The following NCKAP1L variants were observed in gnomAD, a reference collection of about 807,000 sequenced individuals.
The protein encoded by NCKAP1L is NCK associated protein 1 like.
A neutral mutation model predicts 139.2 loss-of-function variants in NCKAP1L; 53 were observed. The observed-to-expected ratio is 0.38, with a 90% CI of 0.31 to 0.48. The LOEUF (loss-of-function observed/expected upper bound fraction) is 0.48, where lower values mean the gene tolerates loss of function less well. Among genes scored for constraint, NCKAP1L ranks in the 20% least tolerant of loss-of-function variants. The pLI is 0.98. For missense variants in NCKAP1L, 1,151 were observed against 1,381.9 expected (o/e 0.83, Z 2.65); for synonymous variants, 468 against 499.7 (o/e 0.94, Z 0.85).
At position 54,546,862 on chromosome 12, in the gene NCKAP1L, C is replaced by T. The variant is rs1957201994; in HGVS notation, c.*4177C>T. ...GAGAGATTGAGGAGCAGACTTTTCT[C>T]TTGTCACTTTGGAAGGAGAGGATTG... On this transcript the variant is annotated 3_prime_UTR_variant, in exon 31 of 31. Transcript: ENST00000293373. 2 of 152,224 alleles carry T rather than the reference C, an allele frequency of 1.3e-5. No homozygotes were observed. Among genetic ancestry groups the T allele is most frequent in the African/African-American group, 2.4e-5 (1 of 41,450 alleles). The allele number at this position is 152,224 out of a possible 1,614,324, so 9.4% of individuals were successfully genotyped here.
intron 16 of NCKAP1L, among the ~76,000 whole-genome samples, chr12:54,519,975 A>G (rs1346759378): frequency 6.6e-6 from 1 of 151,948 alleles, no homozygotes; most frequent in Non-Finnish European, 1.5e-5. Flanking sequence ...TGAGAGGCCT[A>G]GAGAATAGGG....
chr12:54,537,779 T>C (rs1957123892), intron 29 of NCKAP1L, among the ~76,000 whole-genome samples: 1 of 152,208 alleles, frequency 6.6e-6, no homozygotes, highest in Non-Finnish European at 1.5e-5. Context: ...GGAATCTCAC[T>C]AGAACCAATG....
intron 18 of NCKAP1L, among the ~76,000 whole-genome samples, chr12:54,521,834 A>C (rs917961845): frequency 6.6e-6 from 1 of 152,030 alleles, no homozygotes; most frequent in Non-Finnish European, 1.5e-5. Flanking sequence ...GGTTTTCCAG[A>C]CTACCCACCT....
chr12:54,515,658 T>C (rs1956924383), intron 9 of NCKAP1L, among the ~76,000 whole-genome samples: 4 of 152,130 alleles, frequency 2.6e-5, no homozygotes. Context: ...CGGTGGATTG[T>C]CAGGGTCAAG....
intron 9 of NCKAP1L, 121 bp downstream of exon 9, chr12:54,512,226 A>C: frequency 9.6e-7 from 1 of 1,038,904 alleles, no homozygotes; most frequent in Non-Finnish European, 1.4e-6. Flanking sequence ...TAACTATTGA[A>C]GAAATATACA....
chr12:54,511,798 C>T lies in NCKAP1L; in HGVS notation c.736-5C>T, dbSNP rs1301027901. 2 of 1,613,790 alleles carry T rather than the reference C, an allele frequency of 1.2e-6. No individual in the cohort carries two copies. The highest frequency in any genetic ancestry group is 2.2e-5 in the East Asian group (1 of 44,894). Reference sequence around the variant, plus strand: ...AACTGATCATCTTTGCTTCTCTTCTCACAGATGGCCTGTGAGTATCTGTCT... The same window carrying T: ...AACTGATCATCTTTGCTTCTCTTCTTACAGATGGCCTGTGAGTATCTGTCT... On this transcript the variant is annotated splice_polypyrimidine_tract_variant and splice_region_variant and intron_variant, in intron 7 of 30. Coordinates refer to ENST00000293373, the MANE Select transcript of NCKAP1L (RefSeq NM_005337.5).
chr12:54,519,608 C>T (rs1163753624), intron 16 of NCKAP1L, among the ~76,000 whole-genome samples: 1 of 151,874 alleles, frequency 6.6e-6, no homozygotes, highest in Non-Finnish European at 1.5e-5. Flanking sequence ...CTTGCCTGGC[C>T]TCTGCGGAGG....
intron 3 of NCKAP1L, among the ~76,000 whole-genome samples, chr12:54,502,945 C>T (rs1457836554): frequency 6.6e-6 from 1 of 150,832 alleles, no homozygotes; most frequent in Non-Finnish European, 1.5e-5. Flanking sequence ...CTGTAGTTAG[C>T]CATGATTATG....
Position 54,499,474 on chromosome 12 carries a change from T to C in NCKAP1L, c.213+9T>C. 1.4e-6 allele frequency: 2 copies of C among 1,439,220 alleles called. No individual in the cohort carries two copies. Among genetic ancestry groups the C allele is most frequent in the Non-Finnish European group, 2.0e-6 (2 of 1,020,812 alleles). The allele number at this position is 1,439,220 out of a possible 1,614,324, so 89.2% of individuals were successfully genotyped here. A position where few individuals can be genotyped will look rare whatever the true frequency, so the allele number is the denominator to read the frequency against. On this transcript the variant is annotated intron_variant, in intron 2 of 30. Transcript: ENST00000293373. ...ATGTCCGAAACAGCACGGTGAGAAC[T>C]TGGTCCTTCTCTCCTTTCTCTGAAT... is the stretch of plus-strand genomic sequence containing the variant.
chr12:54,546,515 C>T lies in NCKAP1L; in HGVS notation c.*3830C>T, dbSNP rs529139810. ...TATATCTGTGTCCCCCAGCTAGGGA[C>T]AAGGCTTCCTTAACCTTAGGTCCTC... On this transcript the variant is annotated 3_prime_UTR_variant, in exon 31 of 31. Coordinates refer to ENST00000293373, the MANE Select transcript of NCKAP1L (RefSeq NM_005337.5). 1.3e-5 allele frequency: 2 copies of T among 152,188 alleles called. No individual in the cohort carries two copies. Among genetic ancestry groups the T allele is most frequent in the East Asian group, 3.8e-4 (2 of 5,198 alleles). The allele number at this position is 152,188 out of a possible 1,614,324, so 9.4% of individuals were successfully genotyped here. A position where few individuals can be genotyped will look rare whatever the true frequency, so the allele number is the denominator to read the frequency against.
Position 54,538,887 on chromosome 12 carries a change from GC to G in NCKAP1L, c.3189del (p.Ser1064LeufsTer36). The G allele has an allele frequency of 6.2e-7, 1 of 1,613,734 alleles. No homozygotes were observed. The highest frequency in any genetic ancestry group is 8.5e-7 in the Non-Finnish European group (1 of 1,179,716). The stretch of plus-strand genomic sequence containing the variant: ...TTTACAAATTCTTCCCTTACAGGTG[GC>G]CTCTGTCAGCCTCTTGCAGCTGGGC... ...ETHLKEFLVV[A>X]SVSLLQLGQE... On this transcript the variant is annotated frameshift_variant, in exon 30 of 31. Transcript: ENST00000293373. LOFTEE classifies it high-confidence loss of function.
intron 1 of NCKAP1L, among the ~76,000 whole-genome samples, chr12:54,498,340 T>C (rs1956767069): frequency 6.6e-6 from 1 of 151,930 alleles, no homozygotes; most frequent in Non-Finnish European, 1.5e-5. Flanking sequence ...ATTAGGTATT[T>C]AGATTAAAAA....
At chr12:54,508,574 G>T in intron 5 of NCKAP1L, 43 bp downstream of exon 5, 1 of 1,594,022 alleles carries the variant, frequency 6.3e-7, no homozygotes, top group Non-Finnish European at 8.6e-7. Context: ...CTCATACATG[G>T]TGCTATGATG....
At chr12:54,507,008 T>C (rs1479144807) in intron 3 of NCKAP1L, among the ~76,000 whole-genome samples, 1 of 151,218 alleles carries the variant, frequency 6.6e-6, no homozygotes, top group Non-Finnish European at 1.5e-5. Context: ...CTGAGAACTT[T>C]TGGCAAGTAG....
At position 54,531,483 on chromosome 12, in the gene NCKAP1L, G is replaced by C; in HGVS notation, c.2605-8G>C. On this transcript the variant is annotated splice_polypyrimidine_tract_variant and splice_region_variant and intron_variant, in intron 23 of 30. Transcript: ENST00000293373. ...CCTGCTTAATGTCTCTGTGTTCCTG[G>C]ACTACAGAAGCTGGTGGTGGAAAAC... The C allele has an allele frequency of 6.2e-7, 1 of 1,614,076 alleles. No homozygotes were observed. Among genetic ancestry groups the C allele is most frequent in the Non-Finnish European group, 8.5e-7 (1 of 1,179,950 alleles).
At chr12:54,521,397 T>C (rs761098164) in intron 18 of NCKAP1L, among the ~76,000 whole-genome samples, 159 bp downstream of exon 18, 1 of 152,206 alleles carries the variant, frequency 6.6e-6, no homozygotes, top group Non-Finnish European at 1.5e-5. Context: ...AGAATTCTTT[T>C]CTTAGTGTAG....
chr12:54,544,484 T>C lies in NCKAP1L; in HGVS notation c.*1799T>C, dbSNP rs571657051. The C allele has an allele frequency of 6.6e-6, 1 of 152,288 alleles. No homozygotes were observed. The highest frequency in any genetic ancestry group is 2.1e-4 in the South Asian group (1 of 4,828). 9.4% of individuals were successfully genotyped at this position (152,288 alleles called of 1,614,324 possible). On this transcript the variant is annotated 3_prime_UTR_variant, in exon 31 of 31. Transcript: ENST00000293373. ...TGTAAGAAATCATACAGAGAAATTC[T>C]ATTTTCCTTTACACAGTTTCCCTGA...
intron 3 of NCKAP1L, among the ~76,000 whole-genome samples, chr12:54,504,337 A>G (rs767574271): frequency 6.6e-6 from 1 of 152,200 alleles, no homozygotes; most frequent in African/African-American, 2.4e-5. Flanking sequence ...AGTAGATCAC[A>G]TAGTGAAGAG....
chr12:54,516,852 A>G, intron 10 of NCKAP1L, 44 bp from the exon 11 acceptor site: 1 of 1,552,960 alleles, frequency 6.4e-7, no homozygotes, highest in Non-Finnish European at 8.9e-7. Flanking sequence ...GAGGGTTTTT[A>G]AGGGTGGGAG....
Sources: allele counts gnomAD v4.1 joint callset (sites outside exome capture counted in the v4.1 genomes callset), GRCh38; gene constraint gnomAD v4.1.1; transcripts MANE v1.5; gene names NCBI Gene and HGNC (gene_info 2026-07-23, HGNC 2026-07-21).